CDH18: variants seen among roughly 807,000 people sequenced by gnomAD.
The protein encoded by CDH18 is cadherin 18, also known as cadherin-18.
A neutral mutation model predicts 67.9 loss-of-function variants in CDH18; 31 were observed. The ratio of observed to expected loss-of-function variants is 0.46; its 90% CI spans 0.34 to 0.62. The LOEUF (loss-of-function observed/expected upper bound fraction) is 0.62. CDH18 is among the 20% of genes least tolerant of loss of function. CDH18 has a pLI of 0.01. For missense variants in CDH18, 890 were observed against 975.5 expected, an observed-to-expected ratio of 0.91 and a Z score of 1.17; for synonymous variants, 362 against 347.2, an observed-to-expected ratio of 1.04 and a Z score of -0.48.
At chr5:19,534,355 C>A (rs1347781081) in intron 9 of CDH18, among the ~76,000 whole-genome samples, 1 of 152,030 alleles carries the variant, frequency 6.6e-6, no homozygotes, top group Non-Finnish European at 1.5e-5. Flanking sequence ...CAATTTATCT[C>A]CCCAGGTTGT....
In CDH18 at chr5:20,389,936, G is replaced by T. The variant is rs183117265; in HGVS notation, c.-579-134431C>A. Among the ~76,000 whole-genome samples the T allele has an allele frequency of 7.6e-3, 1,160 of 152,140 alleles. 4 individuals are homozygous for T. The highest frequency in any genetic ancestry group is 0.014 in the Middle Eastern group (4 of 294). ...GTGATGGGAAAACTGGCTAGCCATA[G>T]GTAGAAAGCTGAAACTGGATCCCTT... On this transcript the variant is annotated intron_variant, in intron 1 of 14. Coordinates refer to the CDH18 transcript ENST00000507958.
chr5:19,571,718 T>A lies in CDH18; in HGVS notation c.1114A>T (p.Ile372Phe). ...GGTTCATCTACATCCCCAACAATGA[T>A]CTTCAGCATAGTAGCATCTTTAAAA... The part of the protein sequence containing the change: ...GPFKDATMLK[I>F]IVGDVDEPPL... Residue 372 changes from isoleucine (I) to phenylalanine (F), a missense_variant, in exon 8 of 13, where the codon ATC becomes TTC. Around this residue, in one of 2 missense-constraint regions of CDH18, gnomAD observed 656 missense variants for 668.1 expected, o/e 0.98. Coordinates refer to ENST00000382275, the MANE Select transcript of CDH18 (RefSeq NM_004934.5). The A allele has an allele frequency of 6.2e-7, 1 of 1,613,938 alleles. No homozygotes were observed.
chr5:20,131,874 G>GTT (rs575222776), intron 2 of CDH18, among the ~76,000 whole-genome samples: 3 of 150,604 alleles, frequency 2.0e-5, no homozygotes, highest in Admixed American at 6.6e-5. Flanking sequence ...ACAATAAAGT[G>GTT]TTTTTTTTTG....
Position 19,598,785 on chromosome 5 carries a change from A to C in CDH18, c.812-7541T>G, listed in dbSNP as rs1054663943. 2.6e-5 allele frequency among the ~76,000 whole-genome samples: 4 copies of C among 152,288 alleles called. 1 individual carries two copies. In the South Asian group the frequency reaches 8.3e-4, roughly 32 times the overall value. ...CTGTAGCAAAGGACATCCCACAATG[A>C]AGAGATGTGTTATCTTTAGTAAATT... On this transcript the variant is annotated intron_variant, in intron 6 of 12. Coordinates refer to ENST00000382275, the MANE Select transcript of CDH18 (RefSeq NM_004934.5).
intron 1 of CDH18, among the ~76,000 whole-genome samples, chr5:20,296,994 A>T (rs1272544805): frequency 3.3e-5 from 5 of 151,920 alleles, no homozygotes; most frequent in Admixed American, 3.3e-4. Flanking sequence ...ATTTATTCTG[A>T]GATAGATATA....
rs535052033 is a variant in CDH18 at position 19,782,803 on chromosome 5, T to G, written c.229-35567A>C. On this transcript the variant is annotated intron_variant, in intron 3 of 12. Coordinates refer to ENST00000382275, the MANE Select transcript of CDH18 (RefSeq NM_004934.5). ...TGCTCATGATGTAAATGTTTCTTCT[T>G]GTTTTGATAAAAACTCTGCATGGAG... Among the ~76,000 whole-genome samples the G allele has an allele frequency of 2.6e-4, 39 of 152,340 alleles. No homozygotes were observed. In the South Asian group the frequency reaches 8.1e-3, roughly 32 times the overall value.
Position 20,304,343 on chromosome 5 carries a change from T to C in CDH18, c.-579-48838A>G, listed in dbSNP as rs1232299094. The C allele has an allele frequency of 2.9e-5, 45 of 1,525,862 alleles. No individual in the cohort carries two copies. The Admixed American group carries it at 7.5e-4, about 26-fold the overall frequency. The allele number at this position is 1,525,862 out of a possible 1,614,324, so 94.5% of individuals were successfully genotyped here. On this transcript the variant is annotated intron_variant, in intron 1 of 14. Transcript: ENST00000507958. ...TATGACTTTCTCTTTAAATTCATTA[T>C]CTTTCTTGTAAAATAGTTTACACTT... is the stretch of plus-strand genomic sequence containing the variant.
chr5:19,551,238 G>C (rs763292514), intron 8 of CDH18, among the ~76,000 whole-genome samples: 1 of 152,126 alleles, frequency 6.6e-6, no homozygotes, highest in Non-Finnish European at 1.5e-5. Context: ...GATATCAGAG[G>C]TAGTAACCTC....
chr5:19,678,370 C>G (rs919777413), intron 5 of CDH18, among the ~76,000 whole-genome samples: 1 of 151,734 alleles, frequency 6.6e-6, no homozygotes, highest in African/African-American at 2.4e-5. Context: ...TCAACTTACA[C>G]CTACCTAAAG....
chr5:20,388,778 C>T (rs1264108953), intron 1 of CDH18, among the ~76,000 whole-genome samples: 2 of 150,070 alleles, frequency 1.3e-5, no homozygotes, highest in Admixed American at 1.3e-4. Context: ...GTCTTTGTTT[C>T]CTTATTTCTG....
chr5:19,532,740 G>T (rs1161391584), intron 9 of CDH18, among the ~76,000 whole-genome samples: 1 of 152,306 alleles, frequency 6.6e-6, no homozygotes, highest in African/African-American at 2.4e-5. Flanking sequence ...AACTGCGGTG[G>T]AAGTGAGATA....
chr5:19,857,207 G>C (rs1313635607), intron 2 of CDH18, among the ~76,000 whole-genome samples: 2 of 151,772 alleles, frequency 1.3e-5, no homozygotes, highest in African/African-American at 4.8e-5. Flanking sequence ...TCCAGCTTGG[G>C]CATCAGACAG....
intron 1 of CDH18, among the ~76,000 whole-genome samples, chr5:20,418,296 T>C (rs1411111584): frequency 7.5e-6 from 1 of 133,882 alleles, no homozygotes; most frequent in Non-Finnish European, 1.5e-5. Context: ...GGTTTCCTCA[T>C]GTTGGACAAG....
chr5:20,412,460 C>G (rs1746868171), intron 1 of CDH18, among the ~76,000 whole-genome samples: 1 of 152,152 alleles, frequency 6.6e-6, no homozygotes, highest in South Asian at 2.1e-4. Context: ...TAATTTGTAA[C>G]TAAAACCTCA....
At chr5:19,928,275 TGTTATTTGTA>T (rs1793304797) in intron 2 of CDH18, among the ~76,000 whole-genome samples, 1 of 152,184 alleles carries the variant, frequency 6.6e-6, no homozygotes, top group South Asian at 2.1e-4. Flanking sequence ...CTCAGCCACA[TGTTATTTGTA>T]TTTTCGGTAC....
At chr5:20,078,200 G>A (rs1396360835) in intron 2 of CDH18, among the ~76,000 whole-genome samples, 6 of 152,248 alleles carry the variant, frequency 3.9e-5, no homozygotes, top group Non-Finnish European at 5.9e-5. Flanking sequence ...GGTGGCTTAC[G>A]CCTGTAATCC....
chr5:19,520,657 C>T lies in CDH18; in HGVS notation c.1512G>A (p.Gln504=). 1.2e-6 allele frequency: 2 copies of T among 1,607,276 alleles called. No homozygotes were observed. The highest frequency in any genetic ancestry group is 1.7e-6 in the Non-Finnish European group (2 of 1,177,450). Residue 504 remains glutamine (Q), a splice_region_variant and synonymous_variant, in exon 10 of 13, where the codon CAG becomes CAA. Coordinates refer to ENST00000382275, the MANE Select transcript of CDH18 (RefSeq NM_004934.5). Reference sequence around the variant, plus strand: ...AGGAGGAAGGAAACAATTAACTTACCTGGCCAGGCTTAGAATTTTCACATA... The same window carrying T: ...AGGAGGAAGGAAACAATTAACTTACTTGGCCAGGCTTAGAATTTTCACATA... ...IIVCENSKPG[Q]VIHTISATDK...
chr5:19,647,195 C>T (rs549166671), intron 5 of CDH18, among the ~76,000 whole-genome samples: 9 of 151,782 alleles, frequency 5.9e-5, no homozygotes, highest in African/African-American at 2.2e-4. Flanking sequence ...ATTTTGGATC[C>T]CTTCTGGTAT....
At chr5:19,745,063 A>G (rs1162059575) in intron 4 of CDH18, among the ~76,000 whole-genome samples, 1 of 152,162 alleles carries the variant, frequency 6.6e-6, no homozygotes, top group Admixed American at 6.5e-5. Context: ...TGATAGGTCT[A>G]ATGAATATGT....
Sources: gnomAD v4.1 joint callset for allele counts (sites outside exome capture counted in the v4.1 genomes callset) on GRCh38, gnomAD v4.1.1 for gene constraint, gnomAD v4.1.1 regional missense constraint, MANE v1.5 for transcripts, NCBI Gene and HGNC (gene_info 2026-07-23, HGNC 2026-07-21) for gene names.